TAFA5: variants seen among roughly 807,000 people sequenced by gnomAD.
The protein encoded by TAFA5 is chemokine-like protein TAFA-5.
Under a neutral mutation model 15.3 loss-of-function variants are expected in TAFA5, and 6 were observed. The observed-to-expected ratio is 0.39, with a 90% CI of 0.21 to 0.77. TAFA5 has a LOEUF of 0.77. TAFA5 is among the 30% of genes least tolerant of loss of function. The pLI is 0.41. For synonymous variants in TAFA5, 103 were observed against 80.7 expected, an observed-to-expected ratio of 1.28 and a Z score of -1.48; for missense variants, 161 against 193.1, an observed-to-expected ratio of 0.83 and a Z score of 0.98.
chr22:48,518,454 T>C (rs1459497442), intron 1 of TAFA5, among the ~76,000 whole-genome samples: 3 of 152,200 alleles, frequency 2.0e-5, no homozygotes, highest in Non-Finnish European at 4.4e-5. Flanking sequence ...CTGTCCCACC[T>C]GGGATGTCCG....
At chr22:48,621,867 A>G (rs1472049274) in intron 1 of TAFA5, among the ~76,000 whole-genome samples, 1 of 152,130 alleles carries the variant, frequency 6.6e-6, no homozygotes, top group Non-Finnish European at 1.5e-5. Flanking sequence ...AGCCCGGAGC[A>G]GGGCTGCATC....
At chr22:48,589,381 A>G (rs1924477007) in intron 1 of TAFA5, among the ~76,000 whole-genome samples, 1 of 152,074 alleles carries the variant, frequency 6.6e-6, no homozygotes, top group African/African-American at 2.4e-5. Context: ...CCAAAGACAG[A>G]GCCACCTGGA....
intron 3 of TAFA5, among the ~76,000 whole-genome samples, chr22:48,733,091 G>A (rs1048407266): frequency 5.3e-5 from 8 of 152,086 alleles, no homozygotes; most frequent in South Asian, 2.1e-4. Flanking sequence ...ACTTTATTGC[G>A]GTGGTCTGGA....
At chr22:48,694,951 C>T (rs969735520) in intron 2 of TAFA5, among the ~76,000 whole-genome samples, 3 of 151,290 alleles carry the variant, frequency 2.0e-5, no homozygotes, top group African/African-American at 7.3e-5. Context: ...CGGGCAGAAA[C>T]GGGAGCCCTG....
intron 2 of TAFA5, among the ~76,000 whole-genome samples, chr22:48,686,428 G>A (rs1032327150): frequency 2.6e-5 from 4 of 152,190 alleles, no homozygotes; most frequent in Non-Finnish European, 4.4e-5. Flanking sequence ...GCCTCTCTCA[G>A]GTCCTTTTTG....
chr22:48,533,180 T>C (rs1411320620), intron 1 of TAFA5, among the ~76,000 whole-genome samples: 1 of 151,818 alleles, frequency 6.6e-6, no homozygotes, highest in Non-Finnish European at 1.5e-5. Flanking sequence ...TCTGAGGAGG[T>C]GGCCCTGAGG....
chr22:48,651,757 G>A (rs569655646), intron 2 of TAFA5, among the ~76,000 whole-genome samples: 24 of 152,204 alleles, frequency 1.6e-4, no homozygotes, highest in Non-Finnish European at 3.4e-4. Flanking sequence ...AGGGGGATCT[G>A]TGGTCAGCGT....
intron 1 of TAFA5, among the ~76,000 whole-genome samples, chr22:48,594,909 C>T (rs369073203): frequency 4.6e-5 from 7 of 151,314 alleles, no homozygotes; most frequent in African/African-American, 1.7e-4. Context: ...CTCAGAGTAG[C>T]CCTTGGGACT....
intron 1 of TAFA5, among the ~76,000 whole-genome samples, chr22:48,606,471 G>A (rs1418614979): frequency 6.6e-6 from 1 of 152,242 alleles, no homozygotes; most frequent in East Asian, 1.9e-4. Flanking sequence ...ATAGATGTAT[G>A]TATTTCTATG....
At chr22:48,516,215 T>A (rs1474066995) in intron 1 of TAFA5, among the ~76,000 whole-genome samples, 1 of 152,124 alleles carries the variant, frequency 6.6e-6, no homozygotes, top group Non-Finnish European at 1.5e-5. Flanking sequence ...CCGAGACATT[T>A]TTACGTTTAA....
At position 48,490,778 on chromosome 22, in the gene TAFA5, C is replaced by CCAAAA. The variant is rs747381180; in HGVS notation, c.112+1074_112+1075insCAAAA. On this transcript the variant is annotated intron_variant, in intron 1 of 3. Coordinates refer to ENST00000402357, the MANE Select transcript of TAFA5 (RefSeq NM_001082967.3). The surrounding 1 kb of genome is among the most constrained non-coding windows in gnomAD (Gnocchi z 5.8). ...GTGATGGAAAAATATGGATTCTTTACAAAAAAAAAAAAAAAAGGCCAGCAC... is the reference window on the plus strand; with the variant it reads ...GTGATGGAAAAATATGGATTCTTTACCAAAAAAAAAAAAAAAAAAAAGGCCAGCAC... Among the ~76,000 whole-genome samples the CCAAAA allele has an allele frequency of 1.2e-5, 1 of 83,510 alleles. No individual in the cohort carries two copies. The highest frequency in any genetic ancestry group is 2.4e-5 in the Non-Finnish European group (1 of 42,460). 54.8% of individuals were successfully genotyped at this position (83,510 alleles called of 152,430 possible). A position where few individuals can be genotyped will look rare whatever the true frequency, so the allele number is the denominator to read the frequency against.
Position 48,566,467 on chromosome 22 carries a change from G to A in TAFA5, c.112+76763G>A, listed in dbSNP as rs1923412653. Among the ~76,000 whole-genome samples, 1 of 151,646 alleles carries A rather than the reference G, an allele frequency of 6.6e-6. No individual in the cohort carries two copies. The highest frequency in any genetic ancestry group is 6.6e-5 in the Admixed American group (1 of 15,266). On this transcript the variant is annotated intron_variant, in intron 1 of 3. Coordinates refer to ENST00000402357, the MANE Select transcript of TAFA5 (RefSeq NM_001082967.3). The surrounding 1 kb of genome is among the most constrained non-coding windows in gnomAD (Gnocchi z 4.5). Reference sequence around the variant, plus strand: ...ATGATTGATTGATGGAGGGATGGATGTTGGATGGGTGGATGACAGATGGAT... The same window carrying A: ...ATGATTGATTGATGGAGGGATGGATATTGGATGGGTGGATGACAGATGGAT...
intron 1 of TAFA5, among the ~76,000 whole-genome samples, chr22:48,525,048 C>T (rs1284248292): frequency 1.3e-5 from 2 of 152,204 alleles, no homozygotes; most frequent in Non-Finnish European, 1.5e-5. Context: ...ATCTTCTCTC[C>T]CTGGCTCTGA....
chr22:48,546,427 C>T (rs1024005459), intron 1 of TAFA5: 1 of 464,400 alleles, frequency 2.2e-6, no homozygotes. Flanking sequence ...GAGTGACCAT[C>T]GGACACTGCC....
intron 1 of TAFA5, among the ~76,000 whole-genome samples, chr22:48,540,244 C>T (rs1922316630): frequency 6.6e-6 from 1 of 151,992 alleles, no homozygotes; most frequent in African/African-American, 2.4e-5. Flanking sequence ...AGCACCGGTG[C>T]AGGTGGGAAA....
chr22:48,609,328 G>A (rs914268195), intron 1 of TAFA5, among the ~76,000 whole-genome samples: 4 of 152,190 alleles, frequency 2.6e-5, no homozygotes, highest in African/African-American at 7.2e-5. Flanking sequence ...AGAGACCTTC[G>A]TGGACGCTCG....
chr22:48,737,682 G>T (rs1475470032), intron 3 of TAFA5, among the ~76,000 whole-genome samples: 1 of 152,214 alleles, frequency 6.6e-6, no homozygotes, highest in Non-Finnish European at 1.5e-5. Context: ...CCCGAGAGGT[G>T]GGCAGTTCCC....
intron 1 of TAFA5, among the ~76,000 whole-genome samples, chr22:48,513,978 C>T (rs1355072539): frequency 2.0e-5 from 3 of 152,044 alleles, no homozygotes; most frequent in Non-Finnish European, 4.4e-5. Context: ...TCCTCCTGCC[C>T]TTCCCTTTCC....
chr22:48,647,564 G>T (rs1226328289), intron 2 of TAFA5, among the ~76,000 whole-genome samples: 1 of 152,182 alleles, frequency 6.6e-6, no homozygotes, highest in East Asian at 1.9e-4. Context: ...CCAAGGCCCA[G>T]TGTGTCCCGG....
Sources: allele counts gnomAD v4.1 joint callset (sites outside exome capture counted in the v4.1 genomes callset), GRCh38; gene constraint gnomAD v4.1.1; non-coding constraint Gnocchi (gnomAD v3.1); transcripts MANE v1.5; gene names NCBI Gene and HGNC (gene_info 2026-07-23, HGNC 2026-07-21).